The following TICRR variants were observed in gnomAD, a reference collection of about 807,000 sequenced individuals.
The protein encoded by TICRR is TOPBP1 interacting checkpoint and replication regulator.
TICRR carries 132 observed loss-of-function variants against 178.1 expected under a neutral mutation model. The ratio of observed to expected loss-of-function variants is 0.74; its 90% confidence interval spans 0.64 to 0.86. The LOEUF is 0.86. TICRR is among the 40% of genes least tolerant of loss of function. The probability of loss-of-function intolerance (pLI) is 0.00; values close to 1 mark genes in which losing one functional copy is unlikely to be tolerated. For missense variants in TICRR, 2,587 were observed against 2,334.3 expected (o/e 1.11, Z -2.23); for synonymous variants, 991 against 900.7 (o/e 1.10, Z -1.79).
chr15:89,593,674 C>T (rs1042388894), intron 5 of TICRR, among the ~76,000 whole-genome samples: 2 of 152,278 alleles, frequency 1.3e-5, no homozygotes, highest in East Asian at 3.9e-4. Flanking sequence ...CCACTGCACT[C>T]CAGGATGGGC....
At chr15:89,620,967 C>T (rs545631355) in intron 18 of TICRR, among the ~76,000 whole-genome samples, 28 of 150,938 alleles carry the variant, frequency 1.9e-4, no homozygotes, top group Middle Eastern at 3.5e-3. Context: ...GTGATCTGCC[C>T]GCCTCAGCCT....
intron 15 of TICRR, among the ~76,000 whole-genome samples, chr15:89,610,255 T>C (rs1963236797): frequency 6.6e-6 from 1 of 152,220 alleles, no homozygotes; most frequent in South Asian, 2.1e-4. Context: ...AGTCTTCTGT[T>C]TCCTTGTTGA....
At chr15:89,620,688 T>A (rs1963409215) in intron 18 of TICRR, among the ~76,000 whole-genome samples, 1 of 152,160 alleles carries the variant, frequency 6.6e-6, no homozygotes, top group Non-Finnish European at 1.5e-5. Flanking sequence ...TTCTTTCTTT[T>A]ATGAACTGGC....
intron 9 of TICRR, 59 bp downstream of exon 9, chr15:89,600,744 A>T (rs1220620660): frequency 2.4e-6 from 2 of 827,318 alleles, no homozygotes; most frequent in African/African-American, 1.7e-5. Flanking sequence ...ATTAGCTCGT[A>T]TCAGTTTAAA....
intron 8 of TICRR, among the ~76,000 whole-genome samples, chr15:89,600,068 T>G (rs1963068370): frequency 1.3e-5 from 2 of 152,198 alleles, no homozygotes; most frequent in Non-Finnish European, 2.9e-5. Flanking sequence ...ATCGTACCAT[T>G]GCACTTCAGC....
chr15:89,608,668 A>G, intron 14 of TICRR, 135 bp from the exon 15 acceptor site: 1 of 682,992 alleles, frequency 1.5e-6, no homozygotes, highest in Non-Finnish European at 2.2e-6. Flanking sequence ...AGGAAACCTT[A>G]TTAGCATATG....
At chr15:89,617,934 C>G in intron 16 of TICRR, 1 of 544,118 alleles carries the variant, frequency 1.8e-6, no homozygotes, top group Non-Finnish European at 3.3e-6. Context: ...TCAAGTGATC[C>G]GCCCGCCTTA....
At chr15:89,581,309 GT>G (rs1254798925) in intron 1 of TICRR, among the ~76,000 whole-genome samples, 1 of 152,096 alleles carries the variant, frequency 6.6e-6, no homozygotes, top group African/African-American at 2.4e-5. Context: ...GCTGAATATT[GT>G]TGTTATACTG....
intron 13 of TICRR, among the ~76,000 whole-genome samples, chr15:89,604,930 T>A (rs1963152616): frequency 6.6e-6 from 1 of 152,170 alleles, no homozygotes; most frequent in Admixed American, 6.5e-5. Flanking sequence ...AGGACCAATA[T>A]AGTTAACTCG....
At chr15:89,576,438 C>G (rs1962616240) in intron 1 of TICRR, among the ~76,000 whole-genome samples, 198 bp downstream of exon 1, 1 of 152,114 alleles carries the variant, frequency 6.6e-6, no homozygotes, top group Admixed American at 6.5e-5. Flanking sequence ...TTTAAGACCC[C>G]TCACAATTTG....
intron 4 of TICRR, among the ~76,000 whole-genome samples, chr15:89,589,934 C>G (rs1346877352): frequency 1.3e-5 from 2 of 152,002 alleles, no homozygotes; most frequent in African/African-American, 2.4e-5. Flanking sequence ...TAGCAAGACC[C>G]TGTCTCAATT....
rs553767534 is a variant in TICRR, at chr15:89,610,277, A to AT, written c.2869+1330dup. On this transcript the variant is annotated intron_variant, in intron 15 of 21. Transcript: ENST00000268138. Reference sequence around the variant, plus strand: ...TGTTTCCTTGTTGAGCTTCTGTTTTATTGTTTATTTATTATTCAAAGTGGC... The same window carrying AT: ...TGTTTCCTTGTTGAGCTTCTGTTTTATTTGTTTATTTATTATTCAAAGTGGC... Among the ~76,000 whole-genome samples the AT allele has an allele frequency of 4.3e-3, 656 of 152,174 alleles. 3 individuals carry two copies. Among genetic ancestry groups the AT allele is most frequent in the Admixed American group, 7.0e-3 (107 of 15,284 alleles).
At position 89,617,286 on chromosome 15, in the gene TICRR, T is replaced by C. The variant is rs1159778132; in HGVS notation, c.2960+791T>C. Among the ~76,000 whole-genome samples, 5 of 152,340 alleles carry C rather than the reference T, an allele frequency of 3.3e-5. No individual in the cohort carries two copies. The East Asian group carries it at 5.8e-4, about 18-fold the overall frequency. On this transcript the variant is annotated intron_variant, in intron 16 of 21. Transcript: ENST00000268138. The stretch of plus-strand genomic sequence containing the variant: ...ACACTTGTGAAGTTTATAGGTTAAA[T>C]TGCGAAAAGTGAAATTGGTGGGTCA...
At position 89,608,904 on chromosome 15, in the gene TICRR, G is replaced by T. The variant is rs1963213097; in HGVS notation, c.2824G>T (p.Val942Leu). 2 of 1,611,172 alleles carry T rather than the reference G, an allele frequency of 1.2e-6. No homozygotes were observed. The highest frequency in any genetic ancestry group is 1.7e-6 in the Non-Finnish European group (2 of 1,179,130). Residue 942 changes from valine (V) to leucine (L), a missense_variant, in exon 15 of 22, where the codon GTG (valine) becomes TTG (leucine). Physicochemically the swap from Val to Leu is conservative, Grantham distance 32 (BLOSUM62 1). Coordinates refer to ENST00000268138, the MANE Select transcript of TICRR (RefSeq NM_152259.4). ...GLPRSHSVSA[V>L]DGLEDKLDNF... Reference sequence around the variant, plus strand: ...GCCTAGAAGCCATTCTGTGTCAGCTGTGGATGGTCTAGAGGATAAACTTGA... The same window carrying T: ...GCCTAGAAGCCATTCTGTGTCAGCTTTGGATGGTCTAGAGGATAAACTTGA...
rs527685939 is a variant in TICRR, at chr15:89,615,610, T to C, written c.2870-795T>C. On this transcript the variant is annotated intron_variant, in intron 15 of 21. Transcript: ENST00000268138. ...TATGGAGGAGAGTGTTCAGAGGTCCTTACCTCACCATTCTTACTGGCATCA... is the reference window on the plus strand; with the variant it reads ...TATGGAGGAGAGTGTTCAGAGGTCCCTACCTCACCATTCTTACTGGCATCA... 6.6e-5 allele frequency among the ~76,000 whole-genome samples: 10 copies of C among 152,310 alleles called. No homozygotes were observed. In the East Asian group the frequency reaches 1.7e-3, roughly 26 times the overall value.
chr15:89,593,423 G>A (rs933447360), intron 5 of TICRR, among the ~76,000 whole-genome samples: 1 of 152,136 alleles, frequency 6.6e-6, no homozygotes, highest in African/African-American at 2.4e-5. Context: ...AGAAAATCCA[G>A]GCCCGGCATG....
At chr15:89,605,158 G>C (rs1466676000) in intron 13 of TICRR, among the ~76,000 whole-genome samples, 2 of 152,190 alleles carry the variant, frequency 1.3e-5, no homozygotes, top group African/African-American at 4.8e-5. Context: ...GGGCCAGATA[G>C]TAGATGTTTT....
chr15:89,599,507 G>A, intron 8 of TICRR, 32 bp downstream of exon 8: 6 of 1,592,780 alleles, frequency 3.8e-6, no homozygotes, highest in Non-Finnish European at 5.1e-6. Flanking sequence ...TGTTTGTCAT[G>A]GATGTAGTGG....
At chr15:89,600,181 C>T (rs1963070308) in intron 8 of TICRR, among the ~76,000 whole-genome samples, 1 of 152,142 alleles carries the variant, frequency 6.6e-6, no homozygotes, top group African/African-American at 2.4e-5. Context: ...TTTTAAAAAG[C>T]CCCCTGGATA....
Sources: gnomAD v4.1 joint callset for allele counts (sites outside exome capture counted in the v4.1 genomes callset) on GRCh38, gnomAD v4.1.1 for gene constraint, MANE v1.5 for transcripts, NCBI Gene and HGNC (gene_info 2026-07-23, HGNC 2026-07-21) for gene names.